The following TRDMT1 variants were observed in gnomAD, a reference collection of about 807,000 sequenced individuals.
TRDMT1 encodes the protein tRNA (cytosine(38)-C(5))-methyltransferase.
A neutral mutation model predicts 51.2 loss-of-function variants in TRDMT1; 49 were observed. That is an observed-to-expected ratio of 0.96 (90% CI 0.76 to 1.21). The LOEUF is 1.21. Ranked by LOEUF, TRDMT1 falls within the 50% of genes most tolerant of loss-of-function variation. The probability of loss-of-function intolerance (pLI) is 0.00; values close to 1 mark genes in which losing one functional copy is unlikely to be tolerated. For synonymous variants in TRDMT1, 187 were observed against 164.6 expected (o/e 1.14, Z -1.04); for missense variants, 534 against 462.3 (o/e 1.16, Z -1.42).
rs758336473 is a variant in TRDMT1 at position 17,140,037 on chromosome 10, CTTTTTTTTT to C, written c.*8994_*9002del. On this transcript the variant is annotated 3_prime_UTR_variant, in exon 11 of 11. Transcript: ENST00000377799. ...TATTCTTCCAGTAACATCTAGTGTG[CTTTTTTTTT>C]TTTTTTTTTTTTTTTTTGAGACAGA... Among the ~76,000 whole-genome samples, 15 of 21,914 alleles carry C rather than the reference CTTTTTTTTT, an allele frequency of 6.8e-4. No individual in the cohort carries two copies. The highest frequency in any genetic ancestry group is 2.1e-3 in the African/African-American group (11 of 5,348). 14.4% of individuals were successfully genotyped at this position (21,914 alleles called of 152,430 possible).
rs562578018 is a variant in TRDMT1 at position 17,138,601 on chromosome 10, G to A, written c.*10439C>T. Among the ~76,000 whole-genome samples the A allele has an allele frequency of 1.3e-5, 2 of 152,210 alleles. No individual in the cohort carries two copies. Among genetic ancestry groups the A allele is most frequent in the East Asian group, 3.9e-4 (2 of 5,170 alleles). ...CTCAAGGCACATAAAGCAGACATTTGTTCTCCATGCTCATTATTACAATGA... is the reference window on the plus strand; with the variant it reads ...CTCAAGGCACATAAAGCAGACATTTATTCTCCATGCTCATTATTACAATGA... On this transcript the variant is annotated 3_prime_UTR_variant, in exon 11 of 11. Coordinates refer to ENST00000377799, the MANE Select transcript of TRDMT1 (RefSeq NM_004412.7).
At chr10:17,173,822 T>C (rs921261810) in intron 2 of TRDMT1, among the ~76,000 whole-genome samples, 8 of 147,122 alleles carry the variant, frequency 5.4e-5, no homozygotes, top group African/African-American at 1.8e-4. Context: ...TGGAGTGCAG[T>C]GGCGCGATCT....
In TRDMT1 at chr10:17,143,937, T is replaced by G; in HGVS notation, c.*5103A>C. ...AAATTTGATGCAAATCCGATACAACTTGAATAGCAAGATATCCAAGTTAAA... is the reference window on the plus strand; with the variant it reads ...AAATTTGATGCAAATCCGATACAACGTGAATAGCAAGATATCCAAGTTAAA... On this transcript the variant is annotated 3_prime_UTR_variant, in exon 11 of 11. Transcript: ENST00000377799. The G allele has an allele frequency of 1.0e-6, 1 of 985,422 alleles. No individual in the cohort carries two copies. Among genetic ancestry groups the G allele is most frequent in the Non-Finnish European group, 1.2e-6 (1 of 829,938 alleles). 61.0% of individuals were successfully genotyped at this position (985,422 alleles called of 1,614,324 possible).
chr10:17,176,950 G>C (rs1842692530), intron 1 of TRDMT1, among the ~76,000 whole-genome samples: 1 of 152,076 alleles, frequency 6.6e-6, no homozygotes, highest in African/African-American at 2.4e-5. Flanking sequence ...CATCACTTGA[G>C]TGATCCAAGA....
chr10:17,151,641 T>C, intron 10 of TRDMT1: 3 of 973,530 alleles, frequency 3.1e-6, no homozygotes, highest in Non-Finnish European at 3.7e-6. Flanking sequence ...TTTCTAAGTA[T>C]TATACATATA....
intron 8 of TRDMT1, among the ~76,000 whole-genome samples, chr10:17,155,095 C>T (rs1417895406): frequency 6.6e-6 from 1 of 151,868 alleles, no homozygotes; most frequent in African/African-American, 2.4e-5. Context: ...CGTGGTGGTG[C>T]GTGCCTACCT....
rs527883336 is a variant in TRDMT1, at chr10:17,147,447, G to C, written c.*1593C>G. 5.6e-6 allele frequency: 4 copies of C among 720,352 alleles called. No homozygotes were observed. The highest frequency in any genetic ancestry group is 6.8e-6 in the Non-Finnish European group (4 of 588,188). 44.6% of individuals were successfully genotyped at this position (720,352 alleles called of 1,614,324 possible). A position where few individuals can be genotyped will look rare whatever the true frequency, so the allele number is the denominator to read the frequency against. ...TTTAACTATTTTTAAATATACAGTT[G>C]CAGTGGCATTAAGTACACTCACACT... On this transcript the variant is annotated 3_prime_UTR_variant, in exon 11 of 11. Transcript: ENST00000377799.
chr10:17,165,994 C>T (rs1385524200), intron 3 of TRDMT1, among the ~76,000 whole-genome samples: 1 of 152,086 alleles, frequency 6.6e-6, no homozygotes. Flanking sequence ...CTAGAAATAC[C>T]ATTTGACCCT....
rs1230773990 is a variant in TRDMT1, at chr10:17,146,889, A to G, written c.*2151T>C. The G allele has an allele frequency of 1.0e-6, 1 of 981,820 alleles. No homozygotes were observed. Among genetic ancestry groups the G allele is most frequent in the Admixed American group, 6.4e-5 (1 of 15,696 alleles). The allele number at this position is 981,820 out of a possible 1,614,324, so 60.8% of individuals were successfully genotyped here. A position where few individuals can be genotyped will look rare whatever the true frequency, so the allele number is the denominator to read the frequency against. On this transcript the variant is annotated 3_prime_UTR_variant, in exon 11 of 11. Transcript: ENST00000377799. ...GACACTGGTAGATACATCTTCATTA[A>G]GATGTGAGTTTTATGCTTGTTACTG... is the stretch of plus-strand genomic sequence containing the variant.
At chr10:17,201,464 C>CCACAGTGTCCGCCT (rs1846161606) in intron 1 of TRDMT1, 107 bp downstream of exon 1, 3 of 1,257,422 alleles carry the variant, frequency 2.4e-6, no homozygotes, top group Non-Finnish European at 2.2e-6. Flanking sequence ...AGTGTCCGCC[C>CCACAGTGTCCGCCT]CACAGTGTCC....
At chr10:17,183,464 C>T (rs900543657) in intron 1 of TRDMT1, among the ~76,000 whole-genome samples, 1 of 152,258 alleles carries the variant, frequency 6.6e-6, no homozygotes, top group East Asian at 1.9e-4. Context: ...GTCACCCAGG[C>T]TGGAGTGCCG....
At chr10:17,149,966 T>C (rs920727357) in intron 10 of TRDMT1, among the ~76,000 whole-genome samples, 7 of 152,156 alleles carry the variant, frequency 4.6e-5, no homozygotes, top group East Asian at 1.9e-4. Context: ...TTTGTATAGA[T>C]ACGTATTTTC....
chr10:17,198,801 A>T (rs1251868970), intron 1 of TRDMT1, among the ~76,000 whole-genome samples: 2 of 152,250 alleles, frequency 1.3e-5, no homozygotes, highest in Non-Finnish European at 2.9e-5. Context: ...GATACATTTC[A>T]TGTTGTGTTT....
chr10:17,181,281 T>A (rs1843251935), intron 1 of TRDMT1, among the ~76,000 whole-genome samples: 1 of 152,122 alleles, frequency 6.6e-6, no homozygotes, highest in African/African-American at 2.4e-5. Flanking sequence ...TGACTTGAGC[T>A]CCGTTTGCTG....
chr10:17,162,300 A>G, intron 3 of TRDMT1, 63 bp from the exon 4 acceptor site: 3 of 1,441,898 alleles, frequency 2.1e-6, no homozygotes, highest in Non-Finnish European at 2.8e-6. Flanking sequence ...GAATCTGATA[A>G]AAAGATGTCA....
intron 1 of TRDMT1, among the ~76,000 whole-genome samples, chr10:17,191,938 G>A (rs1460296484): frequency 4.6e-5 from 7 of 152,058 alleles, no homozygotes; most frequent in East Asian, 1.9e-4. Context: ...TACAGGGGTC[G>A]ACAATCATTC....
chr10:17,180,129 A>G (rs1441235719), intron 1 of TRDMT1, among the ~76,000 whole-genome samples: 1 of 152,248 alleles, frequency 6.6e-6, no homozygotes, highest in Non-Finnish European at 1.5e-5. Context: ...AAGAACTGAT[A>G]CAAGAGAAAT....
At chr10:17,151,660 G>C in intron 10 of TRDMT1, 2 of 961,096 alleles carry the variant, frequency 2.1e-6, no homozygotes, top group Non-Finnish European at 2.5e-6. Context: ...TATATTCAAA[G>C]AGCTTTGAAA....
chr10:17,143,748 T>G lies in TRDMT1; in HGVS notation c.*5292A>C. On this transcript the variant is annotated 3_prime_UTR_variant, in exon 11 of 11. Coordinates refer to ENST00000377799, the MANE Select transcript of TRDMT1 (RefSeq NM_004412.7). ...GAGGCCTGCCTTAGGAAGGCCATTT[T>G]AACAGAAGCTGACCAATGGAATGCA... The G allele has an allele frequency of 1.0e-6, 1 of 985,454 alleles. No individual in the cohort carries two copies. Among genetic ancestry groups the G allele is most frequent in the Non-Finnish European group, 1.2e-6 (1 of 829,936 alleles). 61.0% of individuals were successfully genotyped at this position (985,454 alleles called of 1,614,324 possible). A position where few individuals can be genotyped will look rare whatever the true frequency, so the allele number is the denominator to read the frequency against.
Sources: gnomAD v4.1 joint callset for allele counts (sites outside exome capture counted in the v4.1 genomes callset) on GRCh38, gnomAD v4.1.1 for gene constraint, MANE v1.5 for transcripts, NCBI Gene and HGNC (gene_info 2026-07-23, HGNC 2026-07-21) for gene names.